Variants in PYROXD1 observed in about 807,000 individuals in gnomAD.
PYROXD1 encodes pyridine nucleotide-disulphide oxidoreductase domain 1, also known as tRNA ligase complex-associated NAD(P)H dehydrogenase PYROXD1.
In PYROXD1, 42 loss-of-function variants were observed where a neutral mutation model predicts 62.0. That is an observed-to-expected ratio of 0.68 (90% CI 0.53 to 0.88). PYROXD1 has a LOEUF of 0.88. Among genes scored for constraint, PYROXD1 ranks in the 40% least tolerant of loss-of-function variants. PYROXD1 has a pLI of 0.00. For synonymous variants in PYROXD1, 170 were observed against 206.4 expected (o/e 0.82, Z 1.51); for missense variants, 493 against 604.8 (o/e 0.82, Z 1.94).
In PYROXD1 at chr12:21,440,363, A is replaced by G; in HGVS notation, c.85-5A>G. The G allele has an allele frequency of 6.4e-7, 1 of 1,561,880 alleles. No individual in the cohort carries two copies. The highest frequency in any genetic ancestry group is 8.7e-7 in the Non-Finnish European group (1 of 1,143,506). ...TAATTTTTTTTCTCTCTTTTTAAAA[A>G]TAAGTTGGCTACTCACTTTCCATCG... On this transcript the variant is annotated splice_region_variant and splice_polypyrimidine_tract_variant and intron_variant, in intron 1 of 11. Coordinates refer to ENST00000240651, the MANE Select transcript of PYROXD1 (RefSeq NM_024854.5).
rs112178952 is a variant in PYROXD1, at chr12:21,440,337, C to G, written c.85-31C>G. The G allele has an allele frequency of 6.4e-4, 852 of 1,322,722 alleles. 6 individuals are homozygous for G. In the African/African-American group the frequency reaches 0.011, roughly 17 times the overall value. The allele number at this position is 1,322,722 out of a possible 1,614,324, so 81.9% of individuals were successfully genotyped here. A position where few individuals can be genotyped will look rare whatever the true frequency, so the allele number is the denominator to read the frequency against. Reference sequence around the variant, plus strand: ...ATACCAGTACTTAAAGTAATTTGTCCTAATTTTTTTTCTCTCTTTTTAAAA... The same window carrying G: ...ATACCAGTACTTAAAGTAATTTGTCGTAATTTTTTTTCTCTCTTTTTAAAA... On this transcript the variant is annotated intron_variant, in intron 1 of 11. Transcript: ENST00000240651.
At position 21,469,922 on chromosome 12, in the gene PYROXD1, C is replaced by T. The variant is rs1222411087; in HGVS notation, c.*1168C>T. 3 of 302,616 alleles carry T rather than the reference C, an allele frequency of 9.9e-6. No individual in the cohort carries two copies. Among genetic ancestry groups the T allele is most frequent in the Non-Finnish European group, 1.8e-5 (3 of 167,734 alleles). 18.7% of individuals were successfully genotyped at this position (302,616 alleles called of 1,614,324 possible). A position where few individuals can be genotyped will look rare whatever the true frequency, so the allele number is the denominator to read the frequency against. ...ATATAAAGGCATAAAAAACTTAAGACGATTGTATGAACTTATTCTCAAATA... is the reference window on the plus strand; with the variant it reads ...ATATAAAGGCATAAAAAACTTAAGATGATTGTATGAACTTATTCTCAAATA... On this transcript the variant is annotated 3_prime_UTR_variant, in exon 12 of 12. Transcript: ENST00000240651.
intron 2 of PYROXD1, 52 bp downstream of exon 2, chr12:21,440,500 C>G: frequency 1.0e-6 from 1 of 991,474 alleles, no homozygotes; most frequent in Non-Finnish European, 1.6e-6. Flanking sequence ...ATTGCAATAA[C>G]TTGCATAGCA....
rs10841818 is a variant in PYROXD1, at chr12:21,461,667, A to G, written c.881-341A>G. Reference sequence around the variant, plus strand: ...GTAGTGAGGGAAGACACCTAGTTGAACTAAACACTTAAGTGGAGTGTAAAG... The same window carrying G: ...GTAGTGAGGGAAGACACCTAGTTGAGCTAAACACTTAAGTGGAGTGTAAAG... On this transcript the variant is annotated intron_variant, in intron 8 of 11. Coordinates refer to ENST00000240651, the MANE Select transcript of PYROXD1 (RefSeq NM_024854.5). Among the ~76,000 whole-genome samples, 16,718 of 152,204 alleles carry G rather than the reference A, an allele frequency of 0.11. 1,025 individuals carry two copies. The highest frequency in any genetic ancestry group is 0.29 in the East Asian group (1,482 of 5,180).
chr12:21,456,054 C>A lies in PYROXD1; in HGVS notation c.709C>A (p.Pro237Thr). The A allele has an allele frequency of 6.2e-7, 1 of 1,611,194 alleles. No individual in the cohort carries two copies. The highest frequency in any genetic ancestry group is 1.7e-4 in the Middle Eastern group (1 of 6,044). The change falls in exon 7 of 12, where the codon CCA becomes ACA. Residue 237 changes from proline to threonine, a missense_variant. By Grantham distance (38) the Pro-to-Thr change is conservative (BLOSUM62 -1). Around this residue, in one of 2 missense-constraint regions of PYROXD1, gnomAD observed 329 missense variants for 446.6 expected, o/e 0.74. Coordinates refer to ENST00000240651, the MANE Select transcript of PYROXD1 (RefSeq NM_024854.5). ...AGATAATGTAGGAAGTGCATTGGGA[C>A]CAGATTGGCATGAAGGCTTGAATCT... ...KADNVGSALG[P>T]DWHEGLNLKG... is the part of the protein sequence containing the mutation.
chr12:21,443,463 G>A (rs1942332642), intron 2 of PYROXD1, among the ~76,000 whole-genome samples: 1 of 152,054 alleles, frequency 6.6e-6, no homozygotes, highest in Non-Finnish European at 1.5e-5. Flanking sequence ...TCACATTATA[G>A]TAGGAGTCTA....
chr12:21,463,538 A>G (rs2137284808), intron 10 of PYROXD1, among the ~76,000 whole-genome samples: 1 of 152,152 alleles, frequency 6.6e-6, no homozygotes, highest in East Asian at 1.9e-4. Context: ...TAAAAATACA[A>G]AAAATTAGCT....
At chr12:21,450,629 T>A (rs961588883) in intron 4 of PYROXD1, among the ~76,000 whole-genome samples, 6 of 152,196 alleles carry the variant, frequency 3.9e-5, no homozygotes, top group African/African-American at 1.4e-4. Flanking sequence ...AACCTCAAGT[T>A]CGTTGTTCTG....
intron 3 of PYROXD1, 106 bp from the exon 4 acceptor site, chr12:21,449,457 T>TC (rs1472384335): frequency 1.6e-5 from 17 of 1,042,376 alleles, no homozygotes; most frequent in Non-Finnish European, 2.4e-5. Flanking sequence ...GCAACCTTAA[T>TC]ATATTATGTT....
At chr12:21,446,782 G>A (rs898853026) in intron 3 of PYROXD1, among the ~76,000 whole-genome samples, 30 of 152,188 alleles carry the variant, frequency 2.0e-4, no homozygotes, top group African/African-American at 7.2e-4. Context: ...AGGCATGGTG[G>A]CGTGCACTTG....
At chr12:21,463,884 A>G in intron 10 of PYROXD1, among the ~76,000 whole-genome samples, 1 of 152,290 alleles carries the variant, frequency 6.6e-6, no homozygotes, top group East Asian at 1.9e-4. Flanking sequence ...GATGTTTGAA[A>G]TAAAGGAACC....
chr12:21,455,070 A>T, intron 5 of PYROXD1, 62 bp from the exon 6 acceptor site: 1 of 1,017,632 alleles, frequency 9.8e-7, no homozygotes, highest in Non-Finnish European at 1.3e-6. Flanking sequence ...TTATTTGCAA[A>T]TGCAAAGATT....
rs752589216 is a variant in PYROXD1 at position 21,468,758 on chromosome 12, T to C, written c.*4T>C. 1.9e-6 allele frequency: 3 copies of C among 1,600,586 alleles called. No homozygotes were observed. The Admixed American group carries it at 5.1e-5, about 27-fold the overall frequency. ...TATAGAAGATTATTTTGACTAAAAA[T>C]GGAATTTCTTCAGGAATCATATAAA... is the stretch of plus-strand genomic sequence containing the variant. On this transcript the variant is annotated 3_prime_UTR_variant, in exon 12 of 12. Coordinates refer to ENST00000240651, the MANE Select transcript of PYROXD1 (RefSeq NM_024854.5).
In PYROXD1 at chr12:21,461,151, A is replaced by C; in HGVS notation, c.877A>C (p.Thr293Pro). The change falls in exon 8 of 12, where the codon ACA becomes CCA. Residue 293 changes from threonine (T) to proline (P), a missense_variant. Around this residue, in one of 2 missense-constraint regions of PYROXD1, gnomAD observed 329 missense variants for 446.6 expected, o/e 0.74. Transcript: ENST00000240651. ...PRDHKSVTAD[T>P]EMWPVYVELT... is the part of the protein sequence containing the mutation. ...AGACCATAAGTCAGTTACAGCTGATACAGGCAAGTAATGAAATAAGAAAAA... is the reference window on the plus strand; with the variant it reads ...AGACCATAAGTCAGTTACAGCTGATCCAGGCAAGTAATGAAATAAGAAAAA... The C allele has an allele frequency of 6.6e-7, 1 of 1,520,332 alleles. No individual in the cohort carries two copies. The highest frequency in any genetic ancestry group is 8.8e-7 in the Non-Finnish European group (1 of 1,136,250). The allele number at this position is 1,520,332 out of a possible 1,614,324, so 94.2% of individuals were successfully genotyped here.
intron 5 of PYROXD1, among the ~76,000 whole-genome samples, chr12:21,453,548 T>TA (rs1942541538): frequency 1.3e-5 from 2 of 152,130 alleles, no homozygotes; most frequent in Non-Finnish European, 2.9e-5. Flanking sequence ...TTCAAACAGA[T>TA]ACTGTTTTTC....
At chr12:21,440,326 A>C in intron 1 of PYROXD1, 42 bp from the exon 2 acceptor site, 1 of 1,144,540 alleles carries the variant, frequency 8.7e-7, no homozygotes, top group Non-Finnish European at 1.3e-6. Flanking sequence ...CAGTACTTAA[A>C]GTAATTTGTC....
intron 7 of PYROXD1, 154 bp from the exon 8 acceptor site, chr12:21,460,871 A>T: frequency 2.3e-6 from 1 of 437,570 alleles, no homozygotes; most frequent in Non-Finnish European, 4.0e-6. Flanking sequence ...GTGCATAGAG[A>T]GACTTATTTT....
At position 21,466,143 on chromosome 12, in the gene PYROXD1, G is replaced by A. The variant is rs867913116; in HGVS notation, c.1117-1338G>A. 1.2e-4 allele frequency among the ~76,000 whole-genome samples: 18 copies of A among 149,928 alleles called. 1 individual carries two copies. In the Middle Eastern group the frequency reaches 0.014, roughly 115 times the overall value. On this transcript the variant is annotated intron_variant, in intron 10 of 11. Coordinates refer to ENST00000240651, the MANE Select transcript of PYROXD1 (RefSeq NM_024854.5). Reference sequence around the variant, plus strand: ...TCTTTTGGCTTAGGATTGACTTGGCGATGCGGGCTCTTTTTTGGTTCCATA... The same window carrying A: ...TCTTTTGGCTTAGGATTGACTTGGCAATGCGGGCTCTTTTTTGGTTCCATA...
intron 5 of PYROXD1, among the ~76,000 whole-genome samples, chr12:21,453,651 G>A (rs984203828): frequency 5.9e-5 from 9 of 152,014 alleles, no homozygotes; most frequent in Admixed American, 3.9e-4. Context: ...GATGATAATC[G>A]TCAAACTGTG....
Sources: allele counts gnomAD v4.1 joint callset (sites outside exome capture counted in the v4.1 genomes callset), GRCh38; gene constraint gnomAD v4.1.1; regional missense constraint gnomAD v4.1.1; transcripts MANE v1.5; gene names NCBI Gene and HGNC (gene_info 2026-07-23, HGNC 2026-07-21).